The following LYZL4 variants were observed in gnomAD, a reference collection of about 807,000 sequenced individuals.
LYZL4 encodes lysozyme-like protein 4.
A neutral mutation model predicts 17.6 loss-of-function variants in LYZL4; 13 were observed. That is an observed-to-expected ratio of 0.74 (90% CI 0.48 to 1.18). The LOEUF is 1.18. Among genes scored for constraint, LYZL4 ranks in the 50% most tolerant of loss-of-function variants. The pLI is 0.00. For synonymous variants in LYZL4, 64 were observed against 67.7 expected (o/e 0.95, Z 0.27); for missense variants, 174 against 188.2 (o/e 0.92, Z 0.44).
At chr3:42,379,042 A>G in the LYZL4 span, among the ~76,000 whole-genome samples, 2 of 152,026 alleles carry the variant, frequency 1.3e-5, no homozygotes, top group African/African-American at 4.8e-5. Flanking sequence ...TGGTGACTCT[A>G]TTCACCTATT....
chr3:42,366,786 C>T, the LYZL4 span, among the ~76,000 whole-genome samples: 1 of 152,180 alleles, frequency 6.6e-6, no homozygotes, highest in Non-Finnish European at 1.5e-5. Context: ...GCTTTAAGGC[C>T]CTGGGTATGC....
chr3:42,405,518 CAGGCCACATGAGA>C (rs1384463039), intron 3 of LYZL4, among the ~76,000 whole-genome samples: 1 of 152,160 alleles, frequency 6.6e-6, no homozygotes, highest in East Asian at 1.9e-4. Context: ...AGGTACTCCC[CAGGCCACATGAGA>C]AGGCTGCAGG....
the LYZL4 span, among the ~76,000 whole-genome samples, chr3:42,387,583 G>A: frequency 9.9e-4 from 151 of 151,834 alleles, no homozygotes; most frequent in Non-Finnish European, 1.7e-3. Context: ...ACCCCTCATC[G>A]CCGTCCCTGC....
At chr3:42,383,862 A>G in the LYZL4 span, among the ~76,000 whole-genome samples, 1 of 152,200 alleles carries the variant, frequency 6.6e-6, no homozygotes, top group Non-Finnish European at 1.5e-5. Context: ...AAAATGGAGA[A>G]ACTATTAAAT....
chr3:42,408,321 C>G (rs889470196), intron 1 of LYZL4, among the ~76,000 whole-genome samples: 2 of 152,184 alleles, frequency 1.3e-5, no homozygotes, highest in Non-Finnish European at 2.9e-5. Context: ...TAAGTAAACT[C>G]AGAATTCTCA....
rs756505011 is a variant in LYZL4, at chr3:42,406,996, C to A, written c.142G>T (p.Val48Leu). 1.1e-5 allele frequency: 17 copies of A among 1,614,164 alleles called. No individual in the cohort carries two copies. The highest frequency in any genetic ancestry group is 1.4e-5 in the Non-Finnish European group (16 of 1,180,034). The change falls in exon 3 of 5, where the codon GTG becomes TTG. Residue 48 changes from valine (V) to leucine (L), a missense_variant and splice_region_variant. By Grantham distance (32) the Val-to-Leu change is conservative (BLOSUM62 1). Transcript: ENST00000287748. Reference sequence around the variant, plus strand: ...TTGCTCTCGAAGTAGGCCAGGCACACCCCTAAGATGGAACAGAAGGTGTGT... The same window carrying A: ...TTGCTCTCGAAGTAGGCCAGGCACAACCCTAAGATGGAACAGAAGGTGTGT... ...YFEGYSLENW[V>L]CLAYFESKFN...
chr3:42,378,235 T>C, the LYZL4 span, among the ~76,000 whole-genome samples: 1 of 152,174 alleles, frequency 6.6e-6, no homozygotes. Context: ...GCATCTCTAT[T>C]ACAGGGGCCT....
At chr3:42,374,112 A>G in the LYZL4 span, among the ~76,000 whole-genome samples, 4 of 152,204 alleles carry the variant, frequency 2.6e-5, no homozygotes, top group African/African-American at 9.6e-5. Context: ...AATTCTCAGT[A>G]TTGCTATTTT....
chr3:42,361,582 T>C, the LYZL4 span, among the ~76,000 whole-genome samples: 1 of 150,196 alleles, frequency 6.7e-6, no homozygotes, highest in Non-Finnish European at 1.5e-5. Context: ...TTTTTTTTTT[T>C]AGCTGGGTGT....
At chr3:42,402,315 C>CTTTTTTT (rs201251667) in intron 4 of LYZL4, among the ~76,000 whole-genome samples, 1 of 136,980 alleles carries the variant, frequency 7.3e-6, no homozygotes, top group Non-Finnish European at 1.6e-5. Flanking sequence ...CTTTTCTTTT[C>CTTTTTTT]TTTCTTTTTT....
chr3:42,370,716 A>G, the LYZL4 span, among the ~76,000 whole-genome samples: 1 of 152,188 alleles, frequency 6.6e-6, no homozygotes, highest in African/African-American at 2.4e-5. Context: ...CCACTTAGTC[A>G]GCTTTTCTTT....
Position 42,401,789 on chromosome 3 carries a change from T to C in LYZL4, c.371+2257A>G, listed in dbSNP as rs144697563. On this transcript the variant is annotated intron_variant, in intron 4 of 4. Transcript: ENST00000287748. Reference sequence around the variant, plus strand: ...ACTAGAGATGGAAAGGAACACAATCTGATTAAGAGTATCTCCAGAAATTTA... The same window carrying C: ...ACTAGAGATGGAAAGGAACACAATCCGATTAAGAGTATCTCCAGAAATTTA... 6.3e-3 allele frequency among the ~76,000 whole-genome samples: 953 copies of C among 152,208 alleles called. 6 individuals are homozygous for C. Among genetic ancestry groups the C allele is most frequent in the African/African-American group, 0.017 (695 of 41,546 alleles).
At chr3:42,382,010 T>C in the LYZL4 span, among the ~76,000 whole-genome samples, 1 of 152,208 alleles carries the variant, frequency 6.6e-6, no homozygotes, top group Non-Finnish European at 1.5e-5. Context: ...TTAAAACTTT[T>C]AAAGCATCCA....
the LYZL4 span, among the ~76,000 whole-genome samples, chr3:42,382,260 A>T: frequency 6.6e-6 from 1 of 152,228 alleles, no homozygotes; most frequent in African/African-American, 2.4e-5. Flanking sequence ...TTTTAGAAAG[A>T]TATTCCTTAA....
chr3:42,363,496 T>C, the LYZL4 span, among the ~76,000 whole-genome samples: 1 of 152,224 alleles, frequency 6.6e-6, no homozygotes, highest in Non-Finnish European at 1.5e-5. Context: ...GTGTTAACAA[T>C]TGTTCAATCT....
chr3:42,378,742 C>T, the LYZL4 span, among the ~76,000 whole-genome samples: 296 of 152,268 alleles, frequency 1.9e-3, 3 homozygotes, highest in African/African-American at 6.7e-3. Flanking sequence ...AGATGGAGTG[C>T]AACTAACGTG....
the LYZL4 span, among the ~76,000 whole-genome samples, chr3:42,368,008 A>G: frequency 2.0e-5 from 3 of 152,236 alleles, no homozygotes; most frequent in African/African-American, 7.2e-5. Flanking sequence ...AGGTACTCTT[A>G]GCTGCATTTG....
the LYZL4 span, among the ~76,000 whole-genome samples, chr3:42,370,483 A>AC: frequency 6.6e-6 from 1 of 152,220 alleles, no homozygotes; most frequent in African/African-American, 2.4e-5. Flanking sequence ...ACAAAGAGAT[A>AC]CGTATTACAG....
chr3:42,408,828 C>T (rs1022354974), intron 1 of LYZL4, among the ~76,000 whole-genome samples: 1 of 152,128 alleles, frequency 6.6e-6, no homozygotes, highest in African/African-American at 2.4e-5. Flanking sequence ...ACATCCTGTG[C>T]ATTGGATTGT....
Sources: allele counts gnomAD v4.1 joint callset (sites outside exome capture counted in the v4.1 genomes callset), GRCh38; gene constraint gnomAD v4.1.1; transcripts MANE v1.5; gene names NCBI Gene and HGNC (gene_info 2026-07-23, HGNC 2026-07-21).